Variants in GALNT9 observed in about 807,000 individuals in gnomAD.
The protein encoded by GALNT9 is polypeptide N-acetylgalactosaminyltransferase 9, also known as GalNAc transferase 9.
Under a neutral mutation model 63.1 loss-of-function variants are expected in GALNT9, and 47 were observed. The ratio of observed to expected loss-of-function variants is 0.75; its 90% CI spans 0.59 to 0.95. The LOEUF (loss-of-function observed/expected upper bound fraction) is 0.95. Ranked by LOEUF, GALNT9 falls within the 40% of genes least tolerant of loss-of-function variation. GALNT9 has a pLI of 0.00. For missense variants in GALNT9, 829 were observed against 874.8 expected, an observed-to-expected ratio of 0.95 and a Z score of 0.66; for synonymous variants, 396 against 365.7, an observed-to-expected ratio of 1.08 and a Z score of -0.94.
chr12:132,213,504 C>T (rs553217777), intron 6 of GALNT9, among the ~76,000 whole-genome samples: 26 of 121,418 alleles, frequency 2.1e-4, no homozygotes, highest in African/African-American at 8.0e-4. Context: ...TCCACTCACA[C>T]ACAGGCGCAC....
chr12:132,246,982 T>A lies in GALNT9; in HGVS notation c.1077+928A>T, dbSNP rs1462475666. ...ACAGGTTTTGAAAGGTGCAACTTAA[T>A]AAACTACATATAAATTTTTAAAACT... On this transcript the variant is annotated intron_variant, in intron 6 of 10. Coordinates refer to ENST00000328957, the MANE Select transcript of GALNT9 (RefSeq NM_001122636.2). This position sits in a 1 kb window ranked among gnomAD's most constrained non-coding sequence, Gnocchi z 4.7. 6.6e-6 allele frequency among the ~76,000 whole-genome samples: 1 copy of A among 152,240 alleles called. No individual in the cohort carries two copies. Among genetic ancestry groups the A allele is most frequent in the African/African-American group, 2.4e-5 (1 of 41,462 alleles).
chr12:132,210,589 G>A (rs1221845459), intron 6 of GALNT9, among the ~76,000 whole-genome samples: 1 of 152,178 alleles, frequency 6.6e-6, no homozygotes, highest in African/African-American at 2.4e-5. Flanking sequence ...GGTGGCGAGT[G>A]GGGTTAACTG....
intron 4 of GALNT9, among the ~76,000 whole-genome samples, 159 bp downstream of exon 4, chr12:132,260,789 C>G (rs1328943838): frequency 6.6e-6 from 1 of 152,218 alleles, no homozygotes; most frequent in Middle Eastern, 3.2e-3. Context: ...CACAGGTGGA[C>G]TCAGTGGTGG....
chr12:132,239,030 T>A (rs1878104623), intron 6 of GALNT9, among the ~76,000 whole-genome samples: 2 of 152,010 alleles, frequency 1.3e-5, no homozygotes, highest in Admixed American at 1.3e-4. Flanking sequence ...GCATCAGAGG[T>A]GCTCTAGAAC....
intron 1 of GALNT9, among the ~76,000 whole-genome samples, chr12:132,318,658 C>T (rs1868639438): frequency 6.6e-6 from 1 of 152,264 alleles, no homozygotes; most frequent in South Asian, 2.1e-4. Context: ...CGACTGACCT[C>T]CCAGCTGGGC....
In GALNT9 at chr12:132,262,549, C is replaced by T; in HGVS notation, c.496G>A (p.Val166Ile). 2 of 1,551,492 alleles carry T rather than the reference C, an allele frequency of 1.3e-6. No individual in the cohort carries two copies. Among genetic ancestry groups the T allele is most frequent in the Non-Finnish European group, 1.7e-6 (2 of 1,146,914 alleles). The change falls in exon 3 of 11, where the codon GTC (valine) becomes ATC (isoleucine). Residue 166 changes from valine to isoleucine, a missense_variant. Transcript: ENST00000328957. ...ACGCTGTGCACGGAGCGCAGGATGACCGACAGCGCCTCATTGACGAAGATG... is the reference window on the plus strand; with the variant it reads ...ACGCTGTGCACGGAGCGCAGGATGATCGACAGCGCCTCATTGACGAAGATG... ...VFIFVNEALS[V>I]ILRSVHSVVN... is the part of the protein sequence containing the mutation.
chr12:132,245,483 G>A lies in GALNT9; in HGVS notation c.1077+2427C>T, dbSNP rs2135533258. Among the ~76,000 whole-genome samples, 1 of 152,134 alleles carries A rather than the reference G, an allele frequency of 6.6e-6. No homozygotes were observed. Among genetic ancestry groups the A allele is most frequent in the Middle Eastern group, 3.4e-3 (1 of 294 alleles). On this transcript the variant is annotated intron_variant, in intron 6 of 10. Coordinates refer to ENST00000328957, the MANE Select transcript of GALNT9 (RefSeq NM_001122636.2). This position sits in a 1 kb window ranked among gnomAD's most constrained non-coding sequence, Gnocchi z 6.3. Reference sequence around the variant, plus strand: ...CATGTGTCATGGAGACGGGAGGGAAGCTCTCCAACGGCTGCAGCCAGGGCC... The same window carrying A: ...CATGTGTCATGGAGACGGGAGGGAAACTCTCCAACGGCTGCAGCCAGGGCC...
At chr12:132,271,140 C>G (rs1317098556) in intron 2 of GALNT9, among the ~76,000 whole-genome samples, 2 of 152,226 alleles carry the variant, frequency 1.3e-5, no homozygotes, top group Non-Finnish European at 2.9e-5. Context: ...GTGTGTGTTA[C>G]TGCGGCAGCA....
At chr12:132,220,704 C>T (rs1445953092) in intron 6 of GALNT9, among the ~76,000 whole-genome samples, 3 of 152,136 alleles carry the variant, frequency 2.0e-5, no homozygotes, top group Non-Finnish European at 4.4e-5. Context: ...AAAGTCCCAC[C>T]CACCTCCAAC....
chr12:132,250,370 G>A (rs1293811546), intron 5 of GALNT9, among the ~76,000 whole-genome samples: 1 of 152,242 alleles, frequency 6.6e-6, no homozygotes, highest in African/African-American at 2.4e-5. Flanking sequence ...GGAGGTGGCA[G>A]CTGCACGACA....
chr12:132,319,694 G>A lies in GALNT9; in HGVS notation c.238+9272C>T, dbSNP rs562315491. Among the ~76,000 whole-genome samples, 1 of 152,118 alleles carries A rather than the reference G, an allele frequency of 6.6e-6. No homozygotes were observed. Among genetic ancestry groups the A allele is most frequent in the South Asian group, 2.1e-4 (1 of 4,824 alleles). On this transcript the variant is annotated intron_variant, in intron 1 of 10. Transcript: ENST00000328957. The surrounding 1 kb of genome is among the most constrained non-coding windows in gnomAD (Gnocchi z 5.2). ...CTGGGGCAGGTCAACACCCCACTCC[G>A]CCACACACACAGCTGTACCCGGCAC... is the stretch of plus-strand genomic sequence containing the variant.
At chr12:132,277,206 G>C (rs1038250768) in intron 2 of GALNT9, 1 of 154,762 alleles carries the variant, frequency 6.5e-6, no homozygotes, top group Middle Eastern at 5.2e-4. Context: ...GCTTGCTTTT[G>C]TTTACTTCTT....
At chr12:132,204,891 C>T (rs10902511) in intron 6 of GALNT9, among the ~76,000 whole-genome samples, 28,988 of 152,036 alleles carry the variant, frequency 0.19, 2,897 homozygotes, top group Middle Eastern at 0.34. Context: ...CCATGCTGGA[C>T]GAGTGTGCCA....
At chr12:132,271,241 C>T (rs547251247) in intron 2 of GALNT9, among the ~76,000 whole-genome samples, 145 of 151,406 alleles carry the variant, frequency 9.6e-4, no homozygotes, top group Middle Eastern at 3.5e-3. Context: ...GTTTGCCAGC[C>T]GACGAAACTC....
intron 6 of GALNT9, among the ~76,000 whole-genome samples, chr12:132,240,308 G>A (rs1878200242): frequency 6.6e-6 from 1 of 152,106 alleles, no homozygotes; most frequent in African/African-American, 2.4e-5. Flanking sequence ...TGTAGCCCCG[G>A]CCCGGCTCTG....
chr12:132,260,781 C>G (rs190398507), intron 4 of GALNT9, among the ~76,000 whole-genome samples, 167 bp downstream of exon 4: 56 of 152,368 alleles, frequency 3.7e-4, no homozygotes, highest in Admixed American at 2.2e-3. Context: ...GGTAACCGCA[C>G]AGGTGGACTC....
At position 132,257,744 on chromosome 12, in the gene GALNT9, A is replaced by G. The variant is rs1879193284; in HGVS notation, c.904T>C (p.Tyr302His). ...HGYNWGLWCM[Y>H]IIPPQDWLDR... is the part of the protein sequence containing the mutation. ...AGCCAGTCCTGCGGGGGGATGATGTACATGCACCAGAGGCCCCAGTTGTAG... is the reference window on the plus strand; with the variant it reads ...AGCCAGTCCTGCGGGGGGATGATGTGCATGCACCAGAGGCCCCAGTTGTAG... The change falls in exon 5 of 11, where the codon TAC becomes CAC. Residue 302 changes from tyrosine (Y) to histidine (H), a missense_variant. Physicochemically the swap from Tyr to His is moderately conservative, Grantham distance 83. Transcript: ENST00000328957. 6.5e-7 allele frequency: 1 copy of G among 1,550,202 alleles called. No individual in the cohort carries two copies. Among genetic ancestry groups the G allele is most frequent in the Non-Finnish European group, 8.7e-7 (1 of 1,146,790 alleles).
In GALNT9 at chr12:132,254,519, G is replaced by A. The variant is rs191325912; in HGVS notation, c.959+3170C>T. Among the ~76,000 whole-genome samples, 33 of 152,242 alleles carry A rather than the reference G, an allele frequency of 2.2e-4. 1 individual carries two copies. Among genetic ancestry groups the A allele is most frequent in the African/African-American group, 7.7e-4 (32 of 41,556 alleles). On this transcript the variant is annotated intron_variant, in intron 5 of 10. Coordinates refer to ENST00000328957, the MANE Select transcript of GALNT9 (RefSeq NM_001122636.2). ...TGTCTCTGACTCTGATCCTCTATGC[G>A]AGAGGAGTGATTCTGACAGGGCTCC...
intron 2 of GALNT9, chr12:132,284,507 A>G (rs1880511298): frequency 6.6e-6 from 1 of 152,278 alleles, no homozygotes; most frequent in African/African-American, 2.4e-5. Context: ...TTGAAAGGGA[A>G]TCTTCATTTC....
Sources: allele counts gnomAD v4.1 joint callset (sites outside exome capture counted in the v4.1 genomes callset), GRCh38; gene constraint gnomAD v4.1.1; non-coding constraint Gnocchi (gnomAD v3.1); transcripts MANE v1.5; gene names NCBI Gene and HGNC (gene_info 2026-07-23, HGNC 2026-07-21).